SHROOM3: variants seen among roughly 807,000 people sequenced by gnomAD.
SHROOM3 encodes the protein protein Shroom3.
SHROOM3 carries 47 observed loss-of-function variants against 138.6 expected under a neutral mutation model. The observed-to-expected ratio is 0.34, with a 90% confidence interval of 0.27 to 0.43. The LOEUF is 0.43. Ranked by LOEUF, SHROOM3 falls within the 20% of genes least tolerant of loss-of-function variation. SHROOM3 has a pLI of 1.00. For synonymous variants in SHROOM3, 1,062 were observed against 1,063.3 expected (o/e 1.00, Z 0.02); for missense variants, 2,491 against 2,596.5 (o/e 0.96, Z 0.88).
chr4:76,652,752 CCTCTCT>C (rs10681383), intron 2 of SHROOM3, among the ~76,000 whole-genome samples: 6 of 149,562 alleles, frequency 4.0e-5, no homozygotes, highest in South Asian at 2.1e-4. Context: ...CTTGAGTCTC[CCTCTCT>C]CTCTCTCTCT....
At chr4:76,565,551 G>A (rs1434381504) in intron 2 of SHROOM3, among the ~76,000 whole-genome samples, 1 of 152,122 alleles carries the variant, frequency 6.6e-6, no homozygotes, top group East Asian at 1.9e-4. Context: ...GGAGTGCAGT[G>A]GCATGAACAC....
chr4:76,730,844 A>C lies in SHROOM3; in HGVS notation c.496A>C (p.Thr166Pro). The stretch of plus-strand genomic sequence containing the variant: ...AGGCCGACCTCACTCGTGGCACACA[A>C]CTAAATCTGGGGAGAAGCAACCCGA... ...PAGRPHSWHT[T>P]KSGEKQPDAS... is the part of the protein sequence containing the mutation. Residue 166 changes from threonine (T) to proline (P), a missense_variant, in exon 4 of 11, where the codon ACT becomes CCT. By Grantham distance (38) the Thr-to-Pro change is conservative. This residue lies in a region of SHROOM3 where 284 missense variants were observed against 322.8 expected (regional missense o/e 0.88). Coordinates refer to ENST00000296043, the MANE Select transcript of SHROOM3 (RefSeq NM_020859.4). 1 of 1,614,132 alleles carries C rather than the reference A, an allele frequency of 6.2e-7. No individual in the cohort carries two copies. Among genetic ancestry groups the C allele is most frequent in the Non-Finnish European group, 8.5e-7 (1 of 1,180,014 alleles).
chr4:76,485,879 C>A (rs28635755), intron 1 of SHROOM3, among the ~76,000 whole-genome samples: 7,344 of 152,184 alleles, frequency 0.048, 206 homozygotes, highest in Middle Eastern at 0.075. Flanking sequence ...AACAGAACAA[C>A]TAGTTTTGGG....
intron 2 of SHROOM3, among the ~76,000 whole-genome samples, chr4:76,563,754 T>C (rs938552138): frequency 6.6e-6 from 1 of 152,182 alleles, no homozygotes; most frequent in African/African-American, 2.4e-5. Flanking sequence ...AAACTGGTCT[T>C]GAAGCTCAAG....
At chr4:76,469,034 CAAAAAAA>C (rs530021753) in intron 1 of SHROOM3, among the ~76,000 whole-genome samples, 5 of 87,408 alleles carry the variant, frequency 5.7e-5, no homozygotes, top group Non-Finnish European at 9.6e-5. Context: ...ATTCCATCTC[CAAAAAAA>C]AAAAAAAAAA....
intron 1 of SHROOM3, among the ~76,000 whole-genome samples, chr4:76,465,171 A>C (rs928417929): frequency 6.6e-6 from 1 of 152,260 alleles, no homozygotes; most frequent in Non-Finnish European, 1.5e-5. Flanking sequence ...CTGGAGAGCT[A>C]GCATATGTCT....
At chr4:76,738,642 C>A in intron 4 of SHROOM3, 119 bp from the exon 5 acceptor site, 1 of 1,231,552 alleles carries the variant, frequency 8.1e-7, no homozygotes, top group Non-Finnish European at 1.2e-6. Context: ...CCCTTTTTAC[C>A]CACCCTTCCA....
At chr4:76,702,182 C>T (rs1179211321) in intron 2 of SHROOM3, among the ~76,000 whole-genome samples, 1 of 152,116 alleles carries the variant, frequency 6.6e-6, no homozygotes, top group East Asian at 1.9e-4. Flanking sequence ...GTATACAAAG[C>T]CCAGTAATCC....
chr4:76,590,967 T>C (rs764364433), intron 2 of SHROOM3, among the ~76,000 whole-genome samples: 15 of 152,238 alleles, frequency 9.9e-5, no homozygotes, highest in Non-Finnish European at 1.9e-4. Context: ...ACCATGATGA[T>C]GTATGCCCTC....
intron 2 of SHROOM3, among the ~76,000 whole-genome samples, chr4:76,669,169 T>C (rs1431777186): frequency 6.6e-6 from 1 of 152,250 alleles, no homozygotes; most frequent in Non-Finnish European, 1.5e-5. Flanking sequence ...AACAACAACA[T>C]AAAAATCCTT....
At chr4:76,644,831 T>G in intron 2 of SHROOM3, among the ~76,000 whole-genome samples, 1 of 152,154 alleles carries the variant, frequency 6.6e-6, no homozygotes, top group East Asian at 1.9e-4. Context: ...CTCAATGCCA[T>G]TTTTGTTCCT....
chr4:76,604,123 C>A (rs1194883578), intron 2 of SHROOM3, among the ~76,000 whole-genome samples: 1 of 152,164 alleles, frequency 6.6e-6, no homozygotes, highest in Non-Finnish European at 1.5e-5. Flanking sequence ...CTGTGCCCGA[C>A]TGCATCTTGT....
At chr4:76,672,263 G>T (rs1424111169) in intron 2 of SHROOM3, among the ~76,000 whole-genome samples, 1 of 152,092 alleles carries the variant, frequency 6.6e-6, no homozygotes, top group Non-Finnish European at 1.5e-5. Context: ...TTGGTTAAAA[G>T]AAACTAAGGT....
At chr4:76,491,883 A>G (rs977426241) in intron 1 of SHROOM3, among the ~76,000 whole-genome samples, 3 of 152,166 alleles carry the variant, frequency 2.0e-5, no homozygotes, top group Admixed American at 1.3e-4. Flanking sequence ...TTAATTTTGG[A>G]AAAACACCAT....
At chr4:76,526,649 G>A (rs1236284421) in intron 1 of SHROOM3, among the ~76,000 whole-genome samples, 1 of 152,176 alleles carries the variant, frequency 6.6e-6, no homozygotes, top group Admixed American at 6.5e-5. Context: ...CGTACTGAGA[G>A]TCTCTGGCAG....
intron 1 of SHROOM3, among the ~76,000 whole-genome samples, chr4:76,520,535 G>A (rs12710873): frequency 0.13 from 20,488 of 152,108 alleles, 1,743 homozygotes; most frequent in East Asian, 0.3. Context: ...TCAGAGAGGC[G>A]CAGAGAGATT....
chr4:76,703,326 G>T (rs1463967504), intron 2 of SHROOM3, among the ~76,000 whole-genome samples: 2 of 152,154 alleles, frequency 1.3e-5, no homozygotes, highest in African/African-American at 4.8e-5. Context: ...AAGGAAAAAA[G>T]ATGAGTAATG....
At chr4:76,453,407 T>C (rs555938622) in intron 1 of SHROOM3, among the ~76,000 whole-genome samples, 14 of 152,106 alleles carry the variant, frequency 9.2e-5, no homozygotes, top group African/African-American at 3.4e-4. Flanking sequence ...GCCTCCAGAG[T>C]ATCTGGGACT....
intron 1 of SHROOM3, among the ~76,000 whole-genome samples, chr4:76,459,848 T>C (rs1389213068): frequency 6.6e-6 from 1 of 152,206 alleles, no homozygotes; most frequent in Non-Finnish European, 1.5e-5. Context: ...CTGCAGTTGA[T>C]ACCAAAATAA....
Sources: allele counts gnomAD v4.1 joint callset (sites outside exome capture counted in the v4.1 genomes callset), GRCh38; gene constraint gnomAD v4.1.1; regional missense constraint gnomAD v4.1.1; transcripts MANE v1.5; gene names NCBI Gene and HGNC (gene_info 2026-07-23, HGNC 2026-07-21).